The following MALRD1 variants were observed in gnomAD, a reference collection of about 807,000 sequenced individuals.
MALRD1 encodes MAM and LDL receptor class A domain containing 1.
A neutral mutation model predicts 242.1 loss-of-function variants in MALRD1; 247 were observed. The ratio of observed to expected loss-of-function variants is 1.02; its 90% CI spans 0.92 to 1.13. The LOEUF (loss-of-function observed/expected upper bound fraction) is 1.13. MALRD1 is among the 50% of genes most tolerant of loss of function. The pLI, the probability that MALRD1 is intolerant of heterozygous loss-of-function variation, is 0.00. For missense variants in MALRD1, 2,989 were observed against 2,533.1 expected (o/e 1.18, Z -3.86); for synonymous variants, 995 against 866.6 (o/e 1.15, Z -2.60).
chr10:19,447,480 G>A (rs188977167), intron 28 of MALRD1, among the ~76,000 whole-genome samples: 73 of 152,226 alleles, frequency 4.8e-4, no homozygotes, highest in African/African-American at 1.7e-3. Flanking sequence ...GACAGTGAAT[G>A]CATTATTTGT....
intron 38 of MALRD1, among the ~76,000 whole-genome samples, chr10:19,706,305 A>G (rs530001031): frequency 3.3e-5 from 5 of 152,198 alleles, no homozygotes; most frequent in Non-Finnish European, 7.4e-5. Flanking sequence ...ATTTTCATTT[A>G]TTTTATTTTC....
chr10:19,524,482 C>T (rs1198919180), intron 31 of MALRD1, among the ~76,000 whole-genome samples: 2 of 151,788 alleles, frequency 1.3e-5, no homozygotes, highest in South Asian at 2.1e-4. Flanking sequence ...AAAAAAATTG[C>T]AGATGCACGT....
Position 19,487,517 on chromosome 10 carries a change from CTTTT to C in MALRD1, c.5030-3985_5030-3982del, listed in dbSNP as rs11301302. On this transcript the variant is annotated intron_variant, in intron 29 of 39. Coordinates refer to ENST00000454679, the MANE Select transcript of MALRD1 (RefSeq NM_001142308.3). ...TATTTAGAGATGTAGCCTATTTTAA[CTTTT>C]TTTTTTTTTTTTTTATAAAAGCCAA... 6.2e-3 allele frequency among the ~76,000 whole-genome samples: 881 copies of C among 142,180 alleles called. 10 individuals carry two copies. Among genetic ancestry groups the C allele is most frequent in the African/African-American group, 0.021 (832 of 38,844 alleles). 93.3% of individuals were successfully genotyped at this position (142,180 alleles called of 152,430 possible). A position where few individuals can be genotyped will look rare whatever the true frequency, so the allele number is the denominator to read the frequency against.
At chr10:19,130,927 C>A (rs1284858996) in intron 8 of MALRD1, among the ~76,000 whole-genome samples, 1 of 151,954 alleles carries the variant, frequency 6.6e-6, no homozygotes, top group African/African-American at 2.4e-5. Flanking sequence ...AAGATTCTGT[C>A]TCTCATATTA....
chr10:19,428,472 A>G (rs763487724), intron 28 of MALRD1, among the ~76,000 whole-genome samples: 2 of 152,022 alleles, frequency 1.3e-5, no homozygotes, highest in Non-Finnish European at 2.9e-5. Flanking sequence ...GTAACCCCAA[A>G]TTCCCCTTAT....
intron 21 of MALRD1, among the ~76,000 whole-genome samples, chr10:19,318,015 C>T (rs567747490): frequency 6.6e-6 from 1 of 152,092 alleles, no homozygotes; most frequent in South Asian, 2.1e-4. Flanking sequence ...TGTCCTACTT[C>T]CCGCTCTGTA....
intron 18 of MALRD1, among the ~76,000 whole-genome samples, chr10:19,218,035 A>G (rs1837398098): frequency 6.6e-6 from 1 of 151,962 alleles, no homozygotes; most frequent in South Asian, 2.1e-4. Flanking sequence ...CTTTGTGCTC[A>G]ATTCTGGTTT....
chr10:19,256,566 G>A (rs1466533288), intron 18 of MALRD1, among the ~76,000 whole-genome samples: 1 of 151,970 alleles, frequency 6.6e-6, no homozygotes, highest in Non-Finnish European at 1.5e-5. Context: ...ATGTCAGGGG[G>A]ACTATATTTG....
intron 2 of MALRD1, among the ~76,000 whole-genome samples, chr10:19,078,899 A>G (rs983555051): frequency 6.6e-6 from 1 of 150,920 alleles, no homozygotes; most frequent in Admixed American, 6.6e-5. Context: ...TTGAGTTTTT[A>G]ATTTTATTTT....
intron 26 of MALRD1, among the ~76,000 whole-genome samples, chr10:19,377,561 T>C (rs1324054723): frequency 2.6e-5 from 4 of 152,074 alleles, no homozygotes; most frequent in African/African-American, 9.7e-5. Flanking sequence ...CATAAGATTG[T>C]TGTGAAGATT....
chr10:19,556,352 T>C (rs1835716234), intron 32 of MALRD1, among the ~76,000 whole-genome samples: 1 of 152,150 alleles, frequency 6.6e-6, no homozygotes, highest in African/African-American at 2.4e-5. Flanking sequence ...TCATGGATTT[T>C]GACAAATGTA....
rs1393776995 is a variant in MALRD1, at chr10:19,595,494, G to A, written c.5944+37G>A. On this transcript the variant is annotated intron_variant, in intron 34 of 39. Transcript: ENST00000454679. ...TCACTAACTCAATGTGTAAGGGAAG[G>A]CATGCTGCTTTAAAATGAGAAAGAA... 3.9e-6 allele frequency: 6 copies of A among 1,524,282 alleles called. No individual in the cohort carries two copies. The Admixed American group carries it at 6.1e-5, about 16-fold the overall frequency. 94.4% of individuals were successfully genotyped at this position (1,524,282 alleles called of 1,614,324 possible). A position where few individuals can be genotyped will look rare whatever the true frequency, so the allele number is the denominator to read the frequency against.
chr10:19,670,763 C>T (rs373474061), intron 36 of MALRD1, among the ~76,000 whole-genome samples: 1 of 152,128 alleles, frequency 6.6e-6, no homozygotes, highest in East Asian at 1.9e-4. Context: ...ATGTAAACTT[C>T]GTGAAGTCAG....
At chr10:19,100,233 C>G (rs1168094696) in intron 4 of MALRD1, among the ~76,000 whole-genome samples, 1 of 152,108 alleles carries the variant, frequency 6.6e-6, no homozygotes, top group Non-Finnish European at 1.5e-5. Context: ...GTAAATTTCC[C>G]TCCACTTCGA....
intron 10 of MALRD1, among the ~76,000 whole-genome samples, chr10:19,143,580 G>T (rs1335152495): frequency 3.3e-5 from 5 of 152,194 alleles, no homozygotes; most frequent in Non-Finnish European, 7.3e-5. Flanking sequence ...CAACAGGCAT[G>T]CATTGAGGCA....
chr10:19,215,290 G>T (rs762622799), intron 18 of MALRD1, among the ~76,000 whole-genome samples: 3 of 152,196 alleles, frequency 2.0e-5, no homozygotes, highest in Non-Finnish European at 2.9e-5. Flanking sequence ...TGGAAAGTTG[G>T]TTCAACTTTA....
intron 4 of MALRD1, among the ~76,000 whole-genome samples, chr10:19,095,180 G>A (rs187153162): frequency 1.3e-5 from 2 of 152,130 alleles, no homozygotes; most frequent in African/African-American, 2.4e-5. Context: ...ATTCTTTTGA[G>A]TGCCTAAGAG....
chr10:19,313,483 A>T (rs1343351256), intron 21 of MALRD1, among the ~76,000 whole-genome samples: 1 of 151,356 alleles, frequency 6.6e-6, no homozygotes, highest in African/African-American at 2.4e-5. Flanking sequence ...TTTCCCCAAA[A>T]TAGCTAGAAT....
intron 36 of MALRD1, among the ~76,000 whole-genome samples, chr10:19,621,091 A>G (rs1315677002): frequency 2.6e-5 from 4 of 151,722 alleles, no homozygotes; most frequent in Non-Finnish European, 5.9e-5. Flanking sequence ...ACTATCTCAA[A>G]TTTCATCAAA....
Sources: allele counts gnomAD v4.1 joint callset (sites outside exome capture counted in the v4.1 genomes callset), GRCh38; gene constraint gnomAD v4.1.1; transcripts MANE v1.5; gene names NCBI Gene and HGNC (gene_info 2026-07-23, HGNC 2026-07-21).